The following SORCS1 variants were observed in gnomAD, a reference collection of about 807,000 sequenced individuals.
SORCS1 encodes VPS10 domain-containing receptor SorCS1.
Under a neutral mutation model 146.1 loss-of-function variants are expected in SORCS1, and 60 were observed. The observed-to-expected ratio is 0.41, with a 90% confidence interval of 0.33 to 0.51. The LOEUF is 0.51. SORCS1 is among the 20% of genes least tolerant of loss of function. The probability of loss-of-function intolerance (pLI) is 0.21; values close to 1 mark genes in which losing one functional copy is unlikely to be tolerated. For missense variants in SORCS1, 1,352 were observed against 1,487.6 expected, an observed-to-expected ratio of 0.91 and a Z score of 1.50; for synonymous variants, 637 against 584.0, an observed-to-expected ratio of 1.09 and a Z score of -1.31.
intron 2 of SORCS1, among the ~76,000 whole-genome samples, chr10:106,886,371 TGGTG>T (rs1951003449): frequency 6.6e-6 from 1 of 152,216 alleles, no homozygotes. Context: ...TAATACACCA[TGGTG>T]GATTATTTTC....
chr10:106,910,221 T>A (rs1952080216), intron 2 of SORCS1, among the ~76,000 whole-genome samples: 1 of 152,088 alleles, frequency 6.6e-6, no homozygotes, highest in Non-Finnish European at 1.5e-5. Flanking sequence ...GAAGGCTGAT[T>A]TCCTACTGAT....
intron 1 of SORCS1, among the ~76,000 whole-genome samples, chr10:106,976,718 G>C (rs759560787): frequency 2.0e-5 from 3 of 151,948 alleles, no homozygotes; most frequent in African/African-American, 4.8e-5. Context: ...AATTGGCTCC[G>C]GTGTGTGTTG....
At chr10:106,663,264 G>T (rs2135394443) in intron 17 of SORCS1, among the ~76,000 whole-genome samples, 1 of 151,808 alleles carries the variant, frequency 6.6e-6, no homozygotes, top group East Asian at 1.9e-4. Flanking sequence ...GAATGAAAAA[G>T]GAAAATAGAA....
intron 2 of SORCS1, among the ~76,000 whole-genome samples, chr10:106,831,912 T>C (rs1000121035): frequency 6.6e-6 from 1 of 152,194 alleles, no homozygotes; most frequent in African/African-American, 2.4e-5. Flanking sequence ...GTTACCTTTG[T>C]AACAAAAATA....
At chr10:107,017,497 G>A (rs1293847892) in intron 1 of SORCS1, among the ~76,000 whole-genome samples, 2 of 152,174 alleles carry the variant, frequency 1.3e-5, no homozygotes, top group African/African-American at 4.8e-5. Context: ...AGTTAGCTTT[G>A]ACAGAAAAGG....
chr10:106,709,156 G>T, intron 7 of SORCS1, 67 bp downstream of exon 7: 1 of 1,277,526 alleles, frequency 7.8e-7, no homozygotes, highest in Non-Finnish European at 1.1e-6. Flanking sequence ...TGTAAAGCAG[G>T]CAAAAGGGAC....
In SORCS1 at chr10:106,659,385, C is replaced by T. The variant is rs184744774; in HGVS notation, c.2304-6832G>A. Among the ~76,000 whole-genome samples, 233 of 152,328 alleles carry T rather than the reference C, an allele frequency of 1.5e-3. 1 individual carries two copies. The highest frequency in any genetic ancestry group is 2.7e-3 in the Non-Finnish European group (186 of 68,034). On this transcript the variant is annotated intron_variant, in intron 17 of 25. Transcript: ENST00000263054. The stretch of plus-strand genomic sequence containing the variant: ...GTGAACTGGGACATATGGCCACACA[C>T]ACTTCACTAAATCACTTAATATCGA...
intron 1 of SORCS1, among the ~76,000 whole-genome samples, chr10:107,107,192 T>C (rs1326969799): frequency 6.6e-6 from 1 of 152,154 alleles, no homozygotes; most frequent in Non-Finnish European, 1.5e-5. Context: ...AAAGCCTACA[T>C]TGCTGTAAAG....
At chr10:107,103,696 T>C (rs2134399567) in intron 1 of SORCS1, among the ~76,000 whole-genome samples, 1 of 152,324 alleles carries the variant, frequency 6.6e-6, no homozygotes, top group Non-Finnish European at 1.5e-5. Context: ...GCCTGGACTT[T>C]TGTTTGTATT....
intron 1 of SORCS1, among the ~76,000 whole-genome samples, chr10:106,985,436 GAAGAA>G (rs974913640): frequency 8.6e-5 from 13 of 151,712 alleles, no homozygotes; most frequent in East Asian, 7.7e-4. Flanking sequence ...TAAATGCCTT[GAAGAA>G]AAGAATGGAA....
At chr10:107,180,126 GA>G in the SORCS1 span, among the ~76,000 whole-genome samples, 1 of 151,588 alleles carries the variant, frequency 6.6e-6, no homozygotes, top group Non-Finnish European at 1.5e-5. Flanking sequence ...ATGTTGCTCA[GA>G]CTATTCTCAA....
At chr10:106,760,360 C>T (rs1437655508) in intron 5 of SORCS1, among the ~76,000 whole-genome samples, 6 of 142,350 alleles carry the variant, frequency 4.2e-5, no homozygotes, top group African/African-American at 7.8e-5. Context: ...AGGAGAATGG[C>T]GTGAACCTGG....
At chr10:107,093,286 C>T (rs1200906333) in intron 1 of SORCS1, among the ~76,000 whole-genome samples, 1 of 152,170 alleles carries the variant, frequency 6.6e-6, no homozygotes, top group Non-Finnish European at 1.5e-5. Flanking sequence ...CGGTCTGAAA[C>T]ATGCTTCAAT....
At chr10:106,777,228 T>C (rs1272152221) in intron 3 of SORCS1, among the ~76,000 whole-genome samples, 2 of 152,222 alleles carry the variant, frequency 1.3e-5, no homozygotes, top group Non-Finnish European at 2.9e-5. Flanking sequence ...TAAAGCTTTC[T>C]CTAGGAATTT....
intron 1 of SORCS1, among the ~76,000 whole-genome samples, chr10:107,070,686 T>TA (rs1482758939): frequency 6.6e-6 from 1 of 152,160 alleles, no homozygotes; most frequent in Non-Finnish European, 1.5e-5. Flanking sequence ...AGAAAAATAA[T>TA]ACCTCGTTTG....
intron 1 of SORCS1, among the ~76,000 whole-genome samples, chr10:107,089,350 T>C (rs978407521): frequency 1.3e-5 from 2 of 152,218 alleles, no homozygotes; most frequent in Non-Finnish European, 2.9e-5. Context: ...CTAGTTATTA[T>C]GTGATTCCCA....
At chr10:106,954,538 G>C (rs908082466) in intron 2 of SORCS1, among the ~76,000 whole-genome samples, 7 of 152,150 alleles carry the variant, frequency 4.6e-5, no homozygotes, top group African/African-American at 1.7e-4. Flanking sequence ...AGGCTGTCTT[G>C]TGGCTTGAAG....
In SORCS1 at chr10:106,652,542, A is replaced by G. The variant is rs1404986534; in HGVS notation, c.2315T>C (p.Val772Ala). Residue 772 changes from valine to alanine, a missense_variant, in exon 18 of 26, where the codon GTG becomes GCG. Physicochemically the swap from Val to Ala is moderately conservative, Grantham distance 64. Around this residue, in one of 3 missense-constraint regions of SORCS1, gnomAD observed 648 missense variants for 793.8 expected, o/e 0.82. Coordinates refer to ENST00000263054, the MANE Select transcript of SORCS1 (RefSeq NM_052918.5). ...SYLNSTGYRKVVSNNCTDGVR... is the reference protein window; with the variant it reads ...SYLNSTGYRKAVSNNCTDGVR... ...GCCATCAGTGCAATTATTGGAAACC[A>G]CCTTCCTGTACCTAAATGGAAAAAA... The G allele has an allele frequency of 4.3e-6, 7 of 1,612,326 alleles. No homozygotes were observed. The African/African-American group carries it at 8.0e-5, about 18-fold the overall frequency.
intron 1 of SORCS1, among the ~76,000 whole-genome samples, chr10:107,106,409 T>C (rs1355690397): frequency 6.6e-6 from 1 of 152,222 alleles, no homozygotes; most frequent in African/African-American, 2.4e-5. Context: ...CAGATGAGTA[T>C]TAAATGCCTT....
Sources: gnomAD v4.1 joint callset for allele counts (sites outside exome capture counted in the v4.1 genomes callset) on GRCh38, gnomAD v4.1.1 for gene constraint, gnomAD v4.1.1 regional missense constraint, MANE v1.5 for transcripts, NCBI Gene and HGNC (gene_info 2026-07-23, HGNC 2026-07-21) for gene names.